CWC27: variants seen among roughly 807,000 people sequenced by gnomAD.
CWC27 encodes CWC27 spliceosome associated cyclophilin.
In CWC27, 47 loss-of-function variants were observed where a neutral mutation model predicts 63.6. The observed-to-expected ratio is 0.74, with a 90% CI of 0.58 to 0.94. The LOEUF (loss-of-function observed/expected upper bound fraction) is 0.94, where lower values mean the gene tolerates loss of function less well. Among genes scored for constraint, CWC27 ranks in the 40% least tolerant of loss-of-function variants. The probability of loss-of-function intolerance (pLI) is 0.00; values close to 1 mark genes in which losing one functional copy is unlikely to be tolerated. For synonymous variants in CWC27, 175 were observed against 179.8 expected, an observed-to-expected ratio of 0.97 and a Z score of 0.22; for missense variants, 495 against 554.3, an observed-to-expected ratio of 0.89 and a Z score of 1.07.
intron 10 of CWC27, among the ~76,000 whole-genome samples, chr5:64,821,365 A>G (rs1358049592): frequency 2.0e-5 from 3 of 152,172 alleles, no homozygotes; most frequent in Non-Finnish European, 4.4e-5. Flanking sequence ...AAATGGTCAC[A>G]AGAGCTTAAC....
chr5:64,964,192 T>C (rs184900431), intron 11 of CWC27, among the ~76,000 whole-genome samples: 2 of 152,160 alleles, frequency 1.3e-5, no homozygotes, highest in Non-Finnish European at 2.9e-5. Context: ...ACAGAAAAAA[T>C]TACCAAATCA....
At chr5:64,916,937 TAGTAG>T (rs1184480349) in intron 11 of CWC27, among the ~76,000 whole-genome samples, 1 of 150,214 alleles carries the variant, frequency 6.7e-6, no homozygotes, top group Non-Finnish European at 1.5e-5. Flanking sequence ...GTAGCAGTGG[TAGTAG>T]ACGACTTGTA....
chr5:64,893,054 T>A (rs1747279297), intron 11 of CWC27, among the ~76,000 whole-genome samples: 1 of 152,232 alleles, frequency 6.6e-6, no homozygotes, highest in Non-Finnish European at 1.5e-5. Flanking sequence ...GGTATGTGTA[T>A]GTGTGTGCGC....
chr5:64,938,414 A>G (rs1487041156), intron 11 of CWC27, among the ~76,000 whole-genome samples: 5 of 152,170 alleles, frequency 3.3e-5, no homozygotes, highest in Non-Finnish European at 5.9e-5. Context: ...CTTTTCCTTA[A>G]GAATGTTGAA....
chr5:64,904,090 C>T (rs1375019656), intron 11 of CWC27, among the ~76,000 whole-genome samples: 1 of 152,176 alleles, frequency 6.6e-6, no homozygotes, highest in Non-Finnish European at 1.5e-5. Flanking sequence ...CCTCAAAGAC[C>T]ACCATGCTTC....
chr5:64,779,605 C>G (rs888079061), intron 2 of CWC27, among the ~76,000 whole-genome samples: 3 of 152,096 alleles, frequency 2.0e-5, no homozygotes, highest in Non-Finnish European at 4.4e-5. Context: ...TAATGTGCAG[C>G]CGGCACCTCT....
intron 13 of CWC27, among the ~76,000 whole-genome samples, chr5:64,983,144 A>C (rs965182916): frequency 3.3e-5 from 5 of 152,336 alleles, no homozygotes; most frequent in African/African-American, 1.2e-4. Context: ...ACACTGCTAA[A>C]AATTCCTGAG....
intron 10 of CWC27, among the ~76,000 whole-genome samples, chr5:64,866,230 A>G (rs760144738): frequency 6.6e-6 from 1 of 152,072 alleles, no homozygotes; most frequent in East Asian, 1.9e-4. Flanking sequence ...ATGATTCAGA[A>G]ACCAAAGCTG....
chr5:64,773,927 A>G (rs1743349967), intron 1 of CWC27: 1 of 152,220 alleles, frequency 6.6e-6, no homozygotes, highest in African/African-American at 2.4e-5. Context: ...TTAGTAAATC[A>G]CAAGCCAGAA....
chr5:64,996,220 A>G (rs2968205), intron 13 of CWC27, among the ~76,000 whole-genome samples: 133,517 of 152,126 alleles, frequency 0.88, 58,794 homozygotes, highest in African/African-American at 0.95. Context: ...TTTACCTGGT[A>G]TGTATCCCCA....
chr5:64,857,691 C>G (rs1278065620), intron 10 of CWC27, among the ~76,000 whole-genome samples: 1 of 152,134 alleles, frequency 6.6e-6, no homozygotes, highest in African/African-American at 2.4e-5. Flanking sequence ...CTGTTAAAAA[C>G]TCATCGTTGG....
At chr5:64,949,542 T>C (rs1157555740) in intron 11 of CWC27, among the ~76,000 whole-genome samples, 1 of 152,006 alleles carries the variant, frequency 6.6e-6, no homozygotes, top group Non-Finnish European at 1.5e-5. Flanking sequence ...AACACGATCA[T>C]GTGTCAATCC....
intron 10 of CWC27, chr5:64,807,821 A>G (rs953090020): frequency 2.0e-6 from 3 of 1,533,532 alleles, no homozygotes; most frequent in Non-Finnish European, 2.6e-6. Flanking sequence ...AAATTTCTTC[A>G]ACCCGTATTT....
At chr5:64,936,417 TG>T (rs1748353571) in intron 11 of CWC27, among the ~76,000 whole-genome samples, 1 of 152,232 alleles carries the variant, frequency 6.6e-6, no homozygotes. Context: ...GATTCGCCTA[TG>T]TTGAACCAGC....
At chr5:64,829,978 T>C (rs1745471817) in intron 10 of CWC27, among the ~76,000 whole-genome samples, 1 of 60,184 alleles carries the variant, frequency 1.7e-5, no homozygotes, top group South Asian at 6.2e-4. Context: ...TGAACTCATC[T>C]TTTTTTTTTT....
At chr5:64,846,768 C>T (rs553878122) in intron 10 of CWC27, among the ~76,000 whole-genome samples, 18 of 150,844 alleles carry the variant, frequency 1.2e-4, no homozygotes, top group African/African-American at 3.7e-4. Context: ...CCGAGGCAGG[C>T]GGATCACTTG....
At chr5:65,012,676 A>G (rs942784881) in intron 13 of CWC27, among the ~76,000 whole-genome samples, 5 of 152,204 alleles carry the variant, frequency 3.3e-5, no homozygotes, top group African/African-American at 1.2e-4. Flanking sequence ...TCAGAAATAA[A>G]TAATGCACTT....
At chr5:64,773,050 C>A (rs1335183122) in intron 1 of CWC27, among the ~76,000 whole-genome samples, 1 of 151,822 alleles carries the variant, frequency 6.6e-6, no homozygotes, top group Non-Finnish European at 1.5e-5. Context: ...TCACAAATTT[C>A]TTATTGAAGA....
chr5:64,940,714 G>T (rs1240851987), intron 11 of CWC27, among the ~76,000 whole-genome samples: 2 of 151,852 alleles, frequency 1.3e-5, no homozygotes, highest in Non-Finnish European at 2.9e-5. Flanking sequence ...TAAACTCTTG[G>T]AATCTTATTT....
Sources: allele counts gnomAD v4.1 joint callset (sites outside exome capture counted in the v4.1 genomes callset), GRCh38; gene constraint gnomAD v4.1.1; transcripts MANE v1.5; gene names NCBI Gene and HGNC (gene_info 2026-07-23, HGNC 2026-07-21).